Variants in OMA1 observed in about 807,000 individuals in gnomAD.
The protein encoded by OMA1 is OMA1 zinc metallopeptidase.
In OMA1, 38 loss-of-function variants were observed where a neutral mutation model predicts 30.9. That is an observed-to-expected ratio of 1.23 (90% CI 0.95 to 1.61). The LOEUF (loss-of-function observed/expected upper bound fraction) is 1.61. Among genes scored for constraint, OMA1 ranks in the 40% most tolerant of loss-of-function variants. OMA1 has a pLI of 0.00. For synonymous variants in OMA1, 173 were observed against 121.9 expected (o/e 1.42, Z -2.76); for missense variants, 461 against 349.2 (o/e 1.32, Z -2.55).
intron 2 of OMA1, among the ~76,000 whole-genome samples, chr1:58,537,077 T>G (rs907974460): frequency 6.6e-6 from 1 of 151,634 alleles, no homozygotes. Flanking sequence ...TCTCTCTCTC[T>G]CTCTCTCTGT....
intron 8 of OMA1, among the ~76,000 whole-genome samples, chr1:58,483,369 C>T (rs1645522005): frequency 6.6e-6 from 1 of 152,128 alleles, no homozygotes; most frequent in Non-Finnish European, 1.5e-5. Flanking sequence ...GAGAGAGGGA[C>T]TTGTAGTCAG....
chr1:58,497,224 A>C (rs2100394944), intron 8 of OMA1, among the ~76,000 whole-genome samples: 1 of 152,302 alleles, frequency 6.6e-6, no homozygotes, highest in Admixed American at 6.5e-5. Flanking sequence ...GTTTTAAAAC[A>C]AACAAAACAA....
At position 58,538,907 on chromosome 1, in the gene OMA1, T is replaced by C. The variant is rs374246130; in HGVS notation, c.388A>G (p.Ile130Val). 6 of 872,742 alleles carry C rather than the reference T, an allele frequency of 6.9e-6. No homozygotes were observed. The highest frequency in any genetic ancestry group is 2.4e-5 in the East Asian group (1 of 41,710). The allele number at this position is 872,742 out of a possible 1,614,324, so 54.1% of individuals were successfully genotyped here. A position where few individuals can be genotyped will look rare whatever the true frequency, so the allele number is the denominator to read the frequency against. Residue 130 changes from isoleucine to valine, a missense_variant, in exon 2 of 9, where the codon ATA (isoleucine) becomes GTA (valine). Physicochemically the swap from Ile to Val is conservative, Grantham distance 29. Transcript: ENST00000371226. ...SVLHPLSPASIRAIRNFHTSP... is the reference protein window; with the variant it reads ...SVLHPLSPASVRAIRNFHTSP... ...GTATGGAAATTCCTAATAGCTCTTATGGAAGCAGGGCTTAGAGGATGCAAT... is the reference window on the plus strand; with the variant it reads ...GTATGGAAATTCCTAATAGCTCTTACGGAAGCAGGGCTTAGAGGATGCAAT...
In OMA1 at chr1:58,483,392, T is replaced by C. The variant is rs369228447; in HGVS notation, c.1366-2218A>G. ...GACTTGTAGTCAGATGCGAGCCAGA[T>C]AGACGTTCTCTAAGTGAATGGGGTC... On this transcript the variant is annotated intron_variant, in intron 8 of 8. Transcript: ENST00000371226. Among the ~76,000 whole-genome samples the C allele has an allele frequency of 1.8e-3, 278 of 152,292 alleles. 6 individuals are homozygous for C. The South Asian group carries it at 0.052, about 29-fold the overall frequency.
Position 58,536,676 on chromosome 1 carries a change from C to T in OMA1, c.566G>A (p.Arg189Lys). ...AAGGAATAGCTTCCATTTATTCTTC[C>T]TTATATTTTCTTTAACTACTTCCTT... is the stretch of plus-strand genomic sequence containing the variant. ...NKKEVVKENIRKNKWKLFLGL... is the reference protein window; with the variant it reads ...NKKEVVKENIKKNKWKLFLGL... Residue 189 changes from arginine (R) to lysine (K), a missense_variant, in exon 3 of 9, where the codon AGG becomes AAG. Transcript: ENST00000371226. The T allele has an allele frequency of 1.1e-6, 1 of 872,798 alleles. No homozygotes were observed. 54.1% of individuals were successfully genotyped at this position (872,798 alleles called of 1,614,324 possible). A position where few individuals can be genotyped will look rare whatever the true frequency, so the allele number is the denominator to read the frequency against.
At chr1:58,504,408 C>G (rs1381935418) in intron 8 of OMA1, among the ~76,000 whole-genome samples, 1 of 152,182 alleles carries the variant, frequency 6.6e-6, no homozygotes, top group African/African-American at 2.4e-5. Context: ...GACTTGCTCC[C>G]GTGCTTCCTT....
At chr1:58,525,031 G>A (rs1046646638) in intron 7 of OMA1, among the ~76,000 whole-genome samples, 2 of 152,170 alleles carry the variant, frequency 1.3e-5, no homozygotes, top group African/African-American at 2.4e-5. Context: ...ATTCTATGCA[G>A]TTATGATTTA....
At chr1:58,522,560 TA>T (rs1205669211) in intron 7 of OMA1, among the ~76,000 whole-genome samples, 4 of 152,114 alleles carry the variant, frequency 2.6e-5, no homozygotes, top group Non-Finnish European at 5.9e-5. Context: ...GCTATTGCAA[TA>T]AAGCAAAAAT....
chr1:58,508,384 C>T (rs182902394), intron 7 of OMA1, among the ~76,000 whole-genome samples: 1,661 of 152,272 alleles, frequency 0.011, 32 homozygotes, highest in African/African-American at 0.038. Context: ...CCCACATGAA[C>T]ACACTGATTC....
At chr1:58,499,513 G>GATAGATAGATAGATAA (rs1557442584) in intron 8 of OMA1, among the ~76,000 whole-genome samples, 5 of 149,396 alleles carry the variant, frequency 3.3e-5, no homozygotes, top group South Asian at 2.1e-4. Flanking sequence ...TAGATAAATA[G>GATAGATAGATAGATAA]ATAGATAGAT....
In OMA1 at chr1:58,537,062, TTCTC is replaced by T. The variant is rs150887072; in HGVS notation, c.501-325_501-322del. Among the ~76,000 whole-genome samples the T allele has an allele frequency of 2.2e-3, 326 of 145,854 alleles. 1 individual carries two copies. The highest frequency in any genetic ancestry group is 6.6e-3 in the African/African-American group (262 of 39,720). ...TTATTACTATCTAGTACATGCAAAA[TTCTC>T]TCTCTCTCTCTCTCTCTCTGTATAT... On this transcript the variant is annotated intron_variant, in intron 2 of 8. Transcript: ENST00000371226.
chr1:58,509,139 A>G (rs1646034438), intron 7 of OMA1, among the ~76,000 whole-genome samples: 1 of 152,186 alleles, frequency 6.6e-6, no homozygotes, highest in Non-Finnish European at 1.5e-5. Flanking sequence ...TAATGTGTAG[A>G]TATCAACAAT....
chr1:58,481,038 A>G lies in OMA1; in HGVS notation c.1502T>C (p.Met501Thr), dbSNP rs145496193. 6.1e-5 allele frequency: 53 copies of G among 871,866 alleles called. No individual in the cohort carries two copies. In the African/African-American group the frequency reaches 8.3e-4, roughly 14 times the overall value. The allele number at this position is 871,866 out of a possible 1,614,324, so 54.0% of individuals were successfully genotyped here. Residue 501 changes from methionine to threonine, a missense_variant, in exon 9 of 9, where the codon ATG (methionine) becomes ACG (threonine). Physicochemically the swap from Met to Thr is moderately conservative, Grantham distance 81. Transcript: ENST00000371226. ...CTGTTTTTGAATAGGAAGAGTATCC[A>G]TTTTCTGTTTCTTCGTGATATTTAG... is the stretch of plus-strand genomic sequence containing the variant. ...EDLNITKKQK[M>T]DTLPIQKQEQ...
chr1:58,545,968 A>G (rs371789198), intron 1 of OMA1, among the ~76,000 whole-genome samples: 3 of 152,332 alleles, frequency 2.0e-5, no homozygotes, highest in African/African-American at 7.2e-5. Flanking sequence ...AAATCCTTTT[A>G]GCGAGGGTTG....
chr1:58,482,570 ATG>A (rs1645506204), intron 8 of OMA1, among the ~76,000 whole-genome samples: 1 of 152,052 alleles, frequency 6.6e-6, no homozygotes, highest in South Asian at 2.1e-4. Flanking sequence ...TCTGATACTG[ATG>A]TGTCTTAAGG....
intron 7 of OMA1, among the ~76,000 whole-genome samples, chr1:58,513,817 C>A (rs1250918180): frequency 1.3e-5 from 2 of 152,062 alleles, no homozygotes; most frequent in Non-Finnish European, 2.9e-5. Flanking sequence ...CTGTTATGAC[C>A]CTCACTTTAC....
intron 8 of OMA1, among the ~76,000 whole-genome samples, chr1:58,498,690 C>T (rs918891586): frequency 8.5e-5 from 13 of 152,138 alleles, no homozygotes; most frequent in African/African-American, 3.1e-4. Context: ...TTCTTGAATT[C>T]TCTTTTGAAC....
intron 1 of OMA1, chr1:58,541,744 G>A (rs1400926716): frequency 6.8e-6 from 1 of 147,340 alleles, no homozygotes; most frequent in Non-Finnish European, 1.5e-5. Flanking sequence ...ATAATATTGT[G>A]GTTATCTGAC....
chr1:58,507,508 A>C (rs1465394567), intron 7 of OMA1, among the ~76,000 whole-genome samples: 1 of 151,996 alleles, frequency 6.6e-6, no homozygotes, highest in African/African-American at 2.4e-5. Flanking sequence ...ATAATTCCTT[A>C]AGACCTCTGA....
Sources: allele counts gnomAD v4.1 joint callset (sites outside exome capture counted in the v4.1 genomes callset), GRCh38; gene constraint gnomAD v4.1.1; transcripts MANE v1.5; gene names NCBI Gene and HGNC (gene_info 2026-07-23, HGNC 2026-07-21).